The following NLGN4X variants were observed in gnomAD, a reference collection of about 807,000 sequenced individuals.
The protein encoded by NLGN4X is neuroligin 4 X-linked.
NLGN4X carries 3 observed loss-of-function variants against 40.3 expected under a neutral mutation model. The ratio of observed to expected loss-of-function variants is 0.07; its 90% confidence interval spans 0.03 to 0.19. The LOEUF (loss-of-function observed/expected upper bound fraction) is 0.19. Ranked by LOEUF, NLGN4X falls within the 10% of genes least tolerant of loss-of-function variation. The pLI is 1.00. For synonymous variants in NLGN4X, 270 were observed against 306.8 expected, an observed-to-expected ratio of 0.88 and a Z score of 1.25; for missense variants, 382 against 708.3, an observed-to-expected ratio of 0.54 and a Z score of 5.23.
At chrX:6,102,733 TATA>T (rs2038944545) in intron 2 of NLGN4X, among the ~76,000 whole-genome samples, 1 of 110,995 alleles carries the variant, frequency 9.0e-6, no homozygotes, top group Admixed American at 9.7e-5. Context: ...GATAGATCGA[TATA>T]TATATAGATA....
intron 2 of NLGN4X, among the ~76,000 whole-genome samples, chrX:6,047,825 C>T (rs2037367820): frequency 9.0e-6 from 1 of 111,680 alleles, no homozygotes; most frequent in African/African-American, 3.3e-5. Context: ...TGAGGACGTG[C>T]ACCACTCCAC....
At chrX:6,201,213 C>T (rs1263010839) in intron 1 of NLGN4X, among the ~76,000 whole-genome samples, 6 of 111,819 alleles carry the variant, frequency 5.4e-5, no homozygotes, top group African/African-American at 2.0e-4. Flanking sequence ...AGCATTTTAG[C>T]CCTCAGTCAT....
At chrX:6,207,373 C>A in intron 1 of NLGN4X, among the ~76,000 whole-genome samples, 1 of 112,070 alleles carries the variant, frequency 8.9e-6, no homozygotes, top group South Asian at 3.7e-4. Context: ...CTATAATTGG[C>A]TGGAGCCTGA....
chrX:5,893,213 G>A lies in NLGN4X; in HGVS notation c.2055C>T (p.Leu685=), dbSNP rs147070637. ...LSVTIAVGAS[L]LFLNILAFAA... ...CAAAAGCTAAGATGTTGAGGAAGAG[G>A]AGCGACGCCCCGACGGCAATGGTGA... The change falls in exon 6 of 6, where the codon CTC becomes CTT. Residue 685 remains leucine, a synonymous_variant. Transcript: ENST00000381095. 8 of 1,209,386 alleles carry A rather than the reference G, an allele frequency of 6.6e-6. No homozygotes were observed. The African/African-American group carries it at 1.4e-4, about 21-fold the overall frequency.
intron 2 of NLGN4X, among the ~76,000 whole-genome samples, chrX:6,069,042 C>A (rs1336637541): frequency 8.9e-6 from 1 of 111,888 alleles, no homozygotes; most frequent in East Asian, 2.8e-4. Flanking sequence ...GTAATCCCAG[C>A]ACTTTGGGAG....
chrX:6,051,144 G>T (rs1754688281), intron 2 of NLGN4X, among the ~76,000 whole-genome samples: 1 of 111,693 alleles, frequency 9.0e-6, no homozygotes, highest in African/African-American at 3.3e-5. Flanking sequence ...TATCTATGAG[G>T]ATATGTTTCA....
Position 5,978,275 on chromosome X carries a change from TC to T in NLGN4X, c.625+51004del, listed in dbSNP as rs2035247626. Among the ~76,000 whole-genome samples the T allele has an allele frequency of 1.7e-3, 2 of 1,205 alleles. 1 individual carries two copies. Among genetic ancestry groups the T allele is most frequent in the African/African-American group, 8.4e-3 (2 of 238 alleles). 1.0% of individuals were successfully genotyped at this position (1,205 alleles called of 115,157 possible). On this transcript the variant is annotated intron_variant, in intron 3 of 5. Coordinates refer to ENST00000381095, the MANE Select transcript of NLGN4X (RefSeq NM_181332.3). ...TTAAAAAGACAGGCGTCTCTTTTTTTCTTTCTTTCTTTCTTTCTTTCTTTCT... is the reference window on the plus strand; with the variant it reads ...TTAAAAAGACAGGCGTCTCTTTTTTTTTTCTTTCTTTCTTTCTTTCTTTCT...
At chrX:5,930,430 A>G (rs901438016) in intron 3 of NLGN4X, among the ~76,000 whole-genome samples, 9 of 111,954 alleles carry the variant, frequency 8.0e-5, no homozygotes, top group Non-Finnish European at 1.5e-4. Context: ...GCAACAGAAC[A>G]CAAATTGTGG....
intron 5 of NLGN4X, among the ~76,000 whole-genome samples, chrX:5,898,128 C>G (rs201292138): frequency 1.1e-5 from 1 of 89,164 alleles, no homozygotes; most frequent in Non-Finnish European, 2.3e-5. Context: ...TCTTTTCTCT[C>G]TTTCCTTTCC....
intron 3 of NLGN4X, among the ~76,000 whole-genome samples, chrX:5,912,467 C>G (rs2032526855): frequency 9.0e-6 from 1 of 111,558 alleles, no homozygotes; most frequent in Non-Finnish European, 1.9e-5. Context: ...ATTTAGCCAG[C>G]TCTGCAGGAA....
intron 1 of NLGN4X, among the ~76,000 whole-genome samples, chrX:6,172,628 T>G (rs942579797): frequency 2.7e-5 from 3 of 112,086 alleles, no homozygotes; most frequent in Non-Finnish European, 5.6e-5. Context: ...TTGGTTGGTG[T>G]TGTCTGTGCT....
intron 3 of NLGN4X, among the ~76,000 whole-genome samples, chrX:5,910,294 T>C (rs1209997748): frequency 9.1e-6 from 1 of 109,836 alleles, no homozygotes; most frequent in East Asian, 2.9e-4. Flanking sequence ...GTACTGGATA[T>C]GCCTTCCAAA....
chrX:6,015,254 G>T (rs765332341), intron 3 of NLGN4X, among the ~76,000 whole-genome samples: 2 of 111,716 alleles, frequency 1.8e-5, no homozygotes, highest in Non-Finnish European at 1.9e-5. Flanking sequence ...GTGTCAAACA[G>T]CAGGTTGTCA....
At chrX:6,012,803 G>T (rs546187244) in intron 3 of NLGN4X, among the ~76,000 whole-genome samples, 22 of 111,302 alleles carry the variant, frequency 2.0e-4, no homozygotes, top group African/African-American at 7.2e-4. Flanking sequence ...GGCAAGGAAG[G>T]ATCTTTTTCT....
At chrX:6,071,363 G>A (rs1041371642) in intron 2 of NLGN4X, among the ~76,000 whole-genome samples, 14 of 111,143 alleles carry the variant, frequency 1.3e-4, no homozygotes, top group Non-Finnish European at 2.5e-4. Flanking sequence ...GCGGTGGGGC[G>A]GGGGGAGAGT....
chrX:6,172,230 G>C (rs1359761152), intron 1 of NLGN4X, among the ~76,000 whole-genome samples: 1 of 112,328 alleles, frequency 8.9e-6, no homozygotes, highest in Non-Finnish European at 1.9e-5. Context: ...ATCTCGCAAT[G>C]TGCTTTTGTA....
chrX:6,151,296 G>A lies in NLGN4X; in HGVS notation c.171C>T (p.Gly57=). The A allele has an allele frequency of 1.7e-6, 2 of 1,211,813 alleles. No individual in the cohort carries two copies. The highest frequency in any genetic ancestry group is 1.1e-6 in the Non-Finnish European group (1 of 895,537). Residue 57 remains glycine (G), a synonymous_variant, in exon 2 of 6, where the codon GGC becomes GGT. Transcript: ENST00000381095. ...TCTCATTGGGTAACGGTGTTCTTAG[G>A]CCCCGGATTTTGCCATAATTTGTGT... The part of the protein sequence containing the change: ...VVNTNYGKIR[G]LRTPLPNEIL...
At chrX:6,049,555 G>T (rs986305265) in intron 2 of NLGN4X, among the ~76,000 whole-genome samples, 2 of 109,517 alleles carry the variant, frequency 1.8e-5, no homozygotes, top group African/African-American at 6.6e-5. Flanking sequence ...ACTTCTTTGA[G>T]TCTTCGTTTC....
chrX:6,104,142 C>T (rs934884218), intron 2 of NLGN4X, among the ~76,000 whole-genome samples: 6 of 112,177 alleles, frequency 5.3e-5, no homozygotes, highest in Admixed American at 3.8e-4. Flanking sequence ...AATATTTATC[C>T]TAAATTTCAC....
Sources: allele counts gnomAD v4.1 joint callset (sites outside exome capture counted in the v4.1 genomes callset), GRCh38; gene constraint gnomAD v4.1.1; transcripts MANE v1.5; gene names NCBI Gene and HGNC (gene_info 2026-07-23, HGNC 2026-07-21).